Variants in WDR64 observed in about 807,000 individuals in gnomAD.
The protein encoded by WDR64 is WD repeat-containing protein 64.
In WDR64, 112 loss-of-function variants were observed where a neutral mutation model predicts 139.3. That is an observed-to-expected ratio of 0.80 (90% CI 0.69 to 0.94). The LOEUF is 0.94. Ranked by LOEUF, WDR64 falls within the 40% of genes least tolerant of loss-of-function variation. The pLI is 0.00. For synonymous variants in WDR64, 444 were observed against 437.7 expected, an observed-to-expected ratio of 1.01 and a Z score of -0.18; for missense variants, 1,206 against 1,293.1, an observed-to-expected ratio of 0.93 and a Z score of 1.03.
chr1:241,772,517 T>C (rs1448893909), intron 19 of WDR64, among the ~76,000 whole-genome samples: 5 of 130,986 alleles, frequency 3.8e-5, no homozygotes, highest in Non-Finnish European at 7.8e-5. Flanking sequence ...GGCTGGAGTG[T>C]AGTAGTGCCA....
intron 9 of WDR64, among the ~76,000 whole-genome samples, chr1:241,719,181 G>C (rs1484127959): frequency 6.6e-6 from 1 of 151,790 alleles, no homozygotes; most frequent in Admixed American, 6.6e-5. Flanking sequence ...CCATTTTTTT[G>C]TTTGAATACA....
In WDR64 at chr1:241,660,600, T is replaced by C. The variant is rs190834047; in HGVS notation, c.216T>C (p.Asp72=). Residue 72 remains aspartate (D), a synonymous_variant, in exon 2 of 28, where the codon GAT becomes GAC. Transcript: ENST00000437684. Reference sequence around the variant, plus strand: ...TTGGTCCAGATGTGAAGAATCAAGATGTGAAACGCTTTTACAGGAAACTGT... The same window carrying C: ...TTGGTCCAGATGTGAAGAATCAAGACGTGAAACGCTTTTACAGGAAACTGT... ...KLFGPDVKNQ[D]VKRFYRKLCN... 3.6e-5 allele frequency: 56 copies of C among 1,551,772 alleles called. No individual in the cohort carries two copies. The East Asian group carries it at 1.4e-3, about 38-fold the overall frequency.
rs527264411 is a variant in WDR64 at position 241,705,404 on chromosome 1, T to A, written c.975-6398T>A. Among the ~76,000 whole-genome samples, 7 of 151,484 alleles carry A rather than the reference T, an allele frequency of 4.6e-5. No individual in the cohort carries two copies. The South Asian group carries it at 1.5e-3, about 32-fold the overall frequency. ...AAAATACAAAAAAAATAGCAGGGCA[T>A]GGTGGCGGGCGCCTGTAGTCCCAGC... On this transcript the variant is annotated intron_variant, in intron 8 of 27. Transcript: ENST00000437684.
chr1:241,730,666 A>T (rs187574783), intron 10 of WDR64, among the ~76,000 whole-genome samples: 41 of 152,314 alleles, frequency 2.7e-4, no homozygotes, highest in African/African-American at 9.6e-4. Flanking sequence ...ACAACTAGGA[A>T]TCCCAACTTT....
At chr1:241,757,515 C>T in intron 15 of WDR64, 56 bp downstream of exon 15, 1 of 1,492,922 alleles carries the variant, frequency 6.7e-7, no homozygotes, top group Non-Finnish European at 9.1e-7. Flanking sequence ...TGGAAATTTA[C>T]AAACATATAT....
intron 9 of WDR64, among the ~76,000 whole-genome samples, chr1:241,715,931 A>C (rs1668384774): frequency 6.6e-6 from 1 of 152,166 alleles, no homozygotes; most frequent in Admixed American, 6.5e-5. Context: ...ACCCTCATCT[A>C]CAGCTTGAAA....
At chr1:241,778,834 A>G (rs1223667667) in intron 21 of WDR64, among the ~76,000 whole-genome samples, 2 of 152,126 alleles carry the variant, frequency 1.3e-5, no homozygotes, top group Admixed American at 1.3e-4. Context: ...ACTATCATTC[A>G]TTTCAAGTAT....
At chr1:241,770,583 T>TA (rs1372266268) in intron 17 of WDR64, 38 bp from the exon 18 acceptor site, 36 of 1,530,222 alleles carry the variant, frequency 2.4e-5, no homozygotes, top group Non-Finnish European at 3.2e-5. Flanking sequence ...TAGCATATCT[T>TA]AAAGTTTTAC....
At position 241,701,829 on chromosome 1, in the gene WDR64, T is replaced by C. The variant is rs531602612; in HGVS notation, c.975-9973T>C. On this transcript the variant is annotated intron_variant, in intron 8 of 27. Transcript: ENST00000437684. ...TCATCTCAATAGACTGAGAATTGGG[T>C]CCATTCCATCTCTAGACTCAACATG... 2.0e-4 allele frequency among the ~76,000 whole-genome samples: 31 copies of C among 152,328 alleles called. No homozygotes were observed. In the East Asian group the frequency reaches 5.8e-3, roughly 28 times the overall value.
intron 8 of WDR64, among the ~76,000 whole-genome samples, chr1:241,710,733 C>G (rs1209595613): frequency 6.6e-6 from 1 of 152,036 alleles, no homozygotes; most frequent in Non-Finnish European, 1.5e-5. Flanking sequence ...GAATCCAGCA[C>G]AGGGGCAAGA....
intron 8 of WDR64, among the ~76,000 whole-genome samples, chr1:241,698,515 C>T (rs1667583142): frequency 6.6e-6 from 1 of 152,160 alleles, no homozygotes; most frequent in Non-Finnish European, 1.5e-5. Flanking sequence ...TGTCCCCTCC[C>T]CACAGCACTT....
chr1:241,716,475 G>C (rs902318599), intron 9 of WDR64, among the ~76,000 whole-genome samples: 3 of 152,030 alleles, frequency 2.0e-5, no homozygotes, highest in Non-Finnish European at 4.4e-5. Flanking sequence ...GATATTTTGG[G>C]GGCTCTGCAT....
At chr1:241,712,032 A>C in intron 9 of WDR64, 151 bp downstream of exon 9, 1 of 751,886 alleles carries the variant, frequency 1.3e-6, no homozygotes. Flanking sequence ...TCTGGATTTG[A>C]TAACATACTT....
At chr1:241,716,388 G>GTGTT (rs1326910479) in intron 9 of WDR64, among the ~76,000 whole-genome samples, 1 of 151,886 alleles carries the variant, frequency 6.6e-6, no homozygotes, top group East Asian at 1.9e-4. Context: ...TTGCTGAACA[G>GTGTT]TGTTTGCACT....
Position 241,742,893 on chromosome 1 carries a change from C to T in WDR64, c.1470+1229C>T, listed in dbSNP as rs142126552. ...CATCATTACGGCCACTGAAGTCATC[C>T]GGCAGTGATGGCTGGAGGTGTTTGC... On this transcript the variant is annotated intron_variant, in intron 12 of 27. Transcript: ENST00000437684. 6.9e-4 allele frequency among the ~76,000 whole-genome samples: 105 copies of T among 152,244 alleles called. 1 individual carries two copies. Among genetic ancestry groups the T allele is most frequent in the African/African-American group, 2.3e-3 (97 of 41,550 alleles).
At chr1:241,677,467 G>T (rs1182664516) in intron 4 of WDR64, 11 of 398,488 alleles carry the variant, frequency 2.8e-5, no homozygotes, top group Non-Finnish European at 4.0e-5. Context: ...CGTTTCTTCT[G>T]GGCCGCTGTT....
intron 12 of WDR64, among the ~76,000 whole-genome samples, chr1:241,742,910 G>C (rs1280997907): frequency 6.6e-6 from 1 of 152,280 alleles, no homozygotes; most frequent in South Asian, 2.1e-4. Context: ...GATGGCTGGA[G>C]GTGTTTGCTT....
At chr1:241,784,302 A>C (rs1658954794) in intron 23 of WDR64, among the ~76,000 whole-genome samples, 1 of 152,178 alleles carries the variant, frequency 6.6e-6, no homozygotes, top group Non-Finnish European at 1.5e-5. Context: ...ATTGCAGGGC[A>C]GCAAAAGTGG....
At chr1:241,678,348 G>A (rs1666639690) in intron 5 of WDR64, 132 bp downstream of exon 5, 1 of 391,928 alleles carries the variant, frequency 2.6e-6, no homozygotes, top group Non-Finnish European at 4.5e-6. Flanking sequence ...ATAAATTTAT[G>A]TTTACTGACT....
Sources: gnomAD v4.1 joint callset for allele counts (sites outside exome capture counted in the v4.1 genomes callset) on GRCh38, gnomAD v4.1.1 for gene constraint, MANE v1.5 for transcripts, NCBI Gene and HGNC (gene_info 2026-07-23, HGNC 2026-07-21) for gene names.